SRGAP3: variants seen among roughly 807,000 people sequenced by gnomAD.
SRGAP3 encodes the protein SLIT-ROBO Rho GTPase-activating protein 3.
SRGAP3 carries 39 observed loss-of-function variants against 121.1 expected under a neutral mutation model. The ratio of observed to expected loss-of-function variants is 0.32; its 90% CI spans 0.25 to 0.42. The LOEUF is 0.42. Ranked by LOEUF, SRGAP3 falls within the 10% of genes least tolerant of loss-of-function variation. The pLI, the probability that SRGAP3 is intolerant of heterozygous loss-of-function variation, is 1.00. For missense variants in SRGAP3, 1,213 were observed against 1,470.6 expected (o/e 0.82, Z 2.86); for synonymous variants, 601 against 570.0 (o/e 1.05, Z -0.77).
intron 3 of SRGAP3, among the ~76,000 whole-genome samples, chr3:9,273,576 C>T (rs1559254409): frequency 6.6e-6 from 1 of 152,138 alleles, no homozygotes; most frequent in Non-Finnish European, 1.5e-5. Context: ...TCCTTTGATG[C>T]ACAAAAGTTT....
At chr3:8,994,854 A>G (rs1472941087) in intron 18 of SRGAP3, among the ~76,000 whole-genome samples, 1 of 152,136 alleles carries the variant, frequency 6.6e-6, no homozygotes, top group East Asian at 1.9e-4. Flanking sequence ...ACCCCTTAAC[A>G]CAAGTTCTAT....
At chr3:9,228,658 C>T (rs1181484992) in intron 1 of SRGAP3, among the ~76,000 whole-genome samples, 1 of 152,196 alleles carries the variant, frequency 6.6e-6, no homozygotes, top group African/African-American at 2.4e-5. Context: ...AGACAGCTAA[C>T]AGCCACATCC....
rs989264024 is a variant in SRGAP3, at chr3:8,983,937, C to T, written c.*1582G>A. 8 of 229,728 alleles carry T rather than the reference C, an allele frequency of 3.5e-5. No individual in the cohort carries two copies. Among genetic ancestry groups the T allele is most frequent in the Non-Finnish European group, 6.0e-5 (7 of 115,946 alleles). The allele number at this position is 229,728 out of a possible 1,614,324, so 14.2% of individuals were successfully genotyped here. A position where few individuals can be genotyped will look rare whatever the true frequency, so the allele number is the denominator to read the frequency against. ...AGCGTGGGAACAGTAGGGAAAAGCCCCTGGGTCTCGCAGGAGAGGGTAAGT... is the reference window on the plus strand; with the variant it reads ...AGCGTGGGAACAGTAGGGAAAAGCCTCTGGGTCTCGCAGGAGAGGGTAAGT... On this transcript the variant is annotated 3_prime_UTR_variant, in exon 22 of 22. Coordinates refer to ENST00000383836, the MANE Select transcript of SRGAP3 (RefSeq NM_014850.4).
rs527864902 is a variant in SRGAP3 at position 9,127,683 on chromosome 3, G to A, written c.68-2766C>T. 5.9e-5 allele frequency among the ~76,000 whole-genome samples: 9 copies of A among 152,256 alleles called. No homozygotes were observed. The South Asian group carries it at 8.3e-4, about 14-fold the overall frequency. On this transcript the variant is annotated intron_variant, in intron 1 of 21. Coordinates refer to ENST00000383836, the MANE Select transcript of SRGAP3 (RefSeq NM_014850.4). ...AGGATGGTCTTGATCTCTTGACCTC[G>A]TGATCCACCCGCCTTGGCCTCCCAA...
chr3:9,241,478 C>T lies in SRGAP3; in HGVS notation c.67+7407G>A, dbSNP rs568462222. Among the ~76,000 whole-genome samples the T allele has an allele frequency of 1.9e-4, 29 of 152,312 alleles. No homozygotes were observed. In the South Asian group the frequency reaches 5.8e-3, roughly 31 times the overall value. ...CTCCCTAGACCACACCCCACTGAGA[C>T]GGCTGTCAACATAACAGCCTTCACC... On this transcript the variant is annotated intron_variant, in intron 1 of 21. Transcript: ENST00000383836.
chr3:9,145,683 A>G (rs1344301844), intron 1 of SRGAP3, among the ~76,000 whole-genome samples: 1 of 152,220 alleles, frequency 6.6e-6, no homozygotes, highest in Admixed American at 6.5e-5. Flanking sequence ...CAACATTACA[A>G]TGAGCTAAAA....
chr3:9,266,667 G>T (rs76107062), intron 3 of SRGAP3, among the ~76,000 whole-genome samples: 1 of 150,798 alleles, frequency 6.6e-6, no homozygotes, highest in African/African-American at 2.4e-5. Flanking sequence ...TGGTTTTTGG[G>T]TTTTTTTTTG....
At chr3:9,025,433 G>A in intron 13 of SRGAP3, 95 bp from the exon 14 acceptor site, 2 of 1,306,162 alleles carry the variant, frequency 1.5e-6, no homozygotes, top group East Asian at 2.3e-5. Context: ...CCCATTGCTT[G>A]TCTCTTTCTC....
intron 1 of SRGAP3, among the ~76,000 whole-genome samples, chr3:9,161,159 A>T (rs963722287): frequency 6.6e-6 from 1 of 152,358 alleles, no homozygotes; most frequent in African/African-American, 2.4e-5. Context: ...CTTATTAAAT[A>T]CTAATTAATT....
chr3:9,313,751 C>A (rs1265678511), intron 3 of SRGAP3, among the ~76,000 whole-genome samples: 1 of 150,978 alleles, frequency 6.6e-6, no homozygotes, highest in Non-Finnish European at 1.5e-5. Flanking sequence ...TCCCAGCATT[C>A]TGGGAGGCCG....
chr3:9,154,427 G>A (rs1367979375), intron 1 of SRGAP3, among the ~76,000 whole-genome samples: 1 of 151,670 alleles, frequency 6.6e-6, no homozygotes, highest in Non-Finnish European at 1.5e-5. Flanking sequence ...AGTCCACCTC[G>A]CCTCCCCCTG....
In SRGAP3 at chr3:9,239,896, G is replaced by A. The variant is rs949336292; in HGVS notation, c.67+8989C>T. The stretch of plus-strand genomic sequence containing the variant: ...AAGAAAAAGCACCCAGATGATCCAT[G>A]AATTGTGCAGCCTGACATATTCTAA... On this transcript the variant is annotated intron_variant, in intron 1 of 21. Transcript: ENST00000383836. This position sits in a 1 kb window ranked among gnomAD's most constrained non-coding sequence, Gnocchi z 4.0. Among the ~76,000 whole-genome samples, 5 of 152,190 alleles carry A rather than the reference G, an allele frequency of 3.3e-5. No individual in the cohort carries two copies. Among genetic ancestry groups the A allele is most frequent in the Admixed American group, 6.5e-5 (1 of 15,282 alleles).
intron 11 of SRGAP3, 186 bp downstream of exon 11, chr3:9,037,877 G>T (rs1252448944): frequency 1.3e-6 from 1 of 756,578 alleles, no homozygotes; most frequent in Non-Finnish European, 2.2e-6. Context: ...GCGTGGCTTT[G>T]TCAGTCTAAT....
intron 1 of SRGAP3, among the ~76,000 whole-genome samples, chr3:9,245,440 G>C (rs1000102561): frequency 6.6e-6 from 1 of 152,214 alleles, no homozygotes; most frequent in Non-Finnish European, 1.5e-5. Flanking sequence ...GGAGAGTGGA[G>C]ATGGTAAGTG....
At chr3:9,353,607 G>A (rs2030317674) in intron 1 of SRGAP3, among the ~76,000 whole-genome samples, 2 of 152,202 alleles carry the variant, frequency 1.3e-5, no homozygotes, top group African/African-American at 4.8e-5. Flanking sequence ...GAAAGGGCAC[G>A]GGAAAAGTAA....
At chr3:9,028,157 A>G in intron 12 of SRGAP3, 1 of 1,614,140 alleles carries the variant, frequency 6.2e-7, no homozygotes, top group Admixed American at 1.7e-5. Context: ...AACAGGCAGC[A>G]GAGCAGGAGA....
chr3:9,361,581 G>GA (rs1197002009), intron 1 of SRGAP3, among the ~76,000 whole-genome samples: 1 of 152,138 alleles, frequency 6.6e-6, no homozygotes, highest in Non-Finnish European at 1.5e-5. Flanking sequence ...GGAGACCCTA[G>GA]AAAAAACTTG....
At chr3:9,276,609 T>A (rs1457985459) in intron 3 of SRGAP3, among the ~76,000 whole-genome samples, 2 of 152,154 alleles carry the variant, frequency 1.3e-5, no homozygotes, top group Non-Finnish European at 2.9e-5. Context: ...GTATTTTTAG[T>A]AGAGACAGGG....
chr3:9,295,780 C>CCCATTAAACACGAACTCCCCATT (rs1469627281), intron 3 of SRGAP3, among the ~76,000 whole-genome samples: 1 of 152,182 alleles, frequency 6.6e-6, no homozygotes, highest in Non-Finnish European at 1.5e-5. Flanking sequence ...AAACTCTGTA[C>CCCATTAAACACGAACTCCCCATT]CCATTAAACA....
Sources: gnomAD v4.1 joint callset for allele counts (sites outside exome capture counted in the v4.1 genomes callset) on GRCh38, gnomAD v4.1.1 for gene constraint, Gnocchi (gnomAD v3.1) non-coding constraint, MANE v1.5 for transcripts, NCBI Gene and HGNC (gene_info 2026-07-23, HGNC 2026-07-21) for gene names.